The following DNAH11 variants were observed in gnomAD, a reference collection of about 807,000 sequenced individuals.
The protein encoded by DNAH11 is axonemal beta dynein heavy chain 11.
Under a neutral mutation model 526.0 loss-of-function variants are expected in DNAH11, and 442 were observed. That is an observed-to-expected ratio of 0.84 (90% CI 0.78 to 0.91). DNAH11 has a LOEUF of 0.91. Among genes scored for constraint, DNAH11 ranks in the 40% least tolerant of loss-of-function variants. The pLI, the probability that DNAH11 is intolerant of heterozygous loss-of-function variation, is 0.00. For missense variants in DNAH11, 6,989 were observed against 5,448.7 expected (o/e 1.28, Z -8.90); for synonymous variants, 2,461 against 1,935.9 (o/e 1.27, Z -7.12).
chr7:21,687,453 C>G lies in DNAH11; in HGVS notation c.5850C>G (p.Ile1950Met). ...AWGCFDEFNRISVEVLSVVAV... is the reference protein window; with the variant it reads ...AWGCFDEFNRMSVEVLSVVAV... ...GCTGCTTTGATGAGTTCAACCGAAT[C>G]TCTGTGGAAGTTCTGTCAGTGGTGG... The change falls in exon 34 of 82, where the codon ATC becomes ATG. Residue 1950 changes from isoleucine (I) to methionine (M), a missense_variant. Ile to Met is a conservative substitution (Grantham distance 10). Coordinates refer to ENST00000409508, the MANE Select transcript of DNAH11 (RefSeq NM_001277115.2). 6.2e-7 allele frequency: 1 copy of G among 1,613,936 alleles called. No individual in the cohort carries two copies. Among genetic ancestry groups the G allele is most frequent in the Non-Finnish European group, 8.5e-7 (1 of 1,179,930 alleles).
At position 21,664,968 on chromosome 7, in the gene DNAH11, C is replaced by G. The variant is rs74470171; in HGVS notation, c.5328+5937C>G. Among the ~76,000 whole-genome samples the G allele has an allele frequency of 1.9e-3, 286 of 152,198 alleles. 1 individual carries two copies. The highest frequency in any genetic ancestry group is 6.5e-3 in the African/African-American group (272 of 41,536). ...AAACCTCAGCTCCAGATGTTTGGCT[C>G]TCTGTCCAAATTCTTTGAGCTGCCA... On this transcript the variant is annotated intron_variant, in intron 30 of 81. Coordinates refer to ENST00000409508, the MANE Select transcript of DNAH11 (RefSeq NM_001277115.2).
intron 29 of DNAH11, 101 bp from the exon 30 acceptor site, chr7:21,658,697 C>G: frequency 1.1e-6 from 1 of 921,934 alleles, no homozygotes. Context: ...AATGAATCCA[C>G]CTGGGGCATT....
intron 44 of DNAH11, among the ~76,000 whole-genome samples, chr7:21,722,017 C>T (rs923690192): frequency 1.3e-5 from 2 of 152,126 alleles, no homozygotes; most frequent in East Asian, 1.9e-4. Flanking sequence ...TGTGGGAAAA[C>T]ACTTGAGACA....
rs183477371 is a variant in DNAH11, at chr7:21,562,969, C to G, written c.983-1217C>G. On this transcript the variant is annotated intron_variant, in intron 5 of 81. Transcript: ENST00000409508. ...TGACACAAGTCTTTTGGGTTAACAA[C>G]AAAAACTAGAATTTACTTGACTTTG... Among the ~76,000 whole-genome samples, 22 of 152,160 alleles carry G rather than the reference C, an allele frequency of 1.4e-4. No homozygotes were observed. The East Asian group carries it at 4.3e-3, about 29-fold the overall frequency.
intron 20 of DNAH11, among the ~76,000 whole-genome samples, chr7:21,609,740 G>T (rs1284570859): frequency 6.6e-6 from 1 of 152,118 alleles, no homozygotes; most frequent in Non-Finnish European, 1.5e-5. Context: ...TCTCTAAAGG[G>T]CAAGAAAAAA....
At chr7:21,813,001 G>C (rs1323174094) in intron 63 of DNAH11, among the ~76,000 whole-genome samples, 1 of 152,122 alleles carries the variant, frequency 6.6e-6, no homozygotes, top group Non-Finnish European at 1.5e-5. Context: ...GATACTGAAG[G>C]GTATGGGGGA....
chr7:21,700,280 A>T (rs1784002297), intron 36 of DNAH11, among the ~76,000 whole-genome samples: 1 of 152,196 alleles, frequency 6.6e-6, no homozygotes, highest in Admixed American at 6.5e-5. Context: ...GTCACAAATG[A>T]GCAAAAAGAA....
intron 79 of DNAH11, 98 bp from the exon 80 acceptor site, chr7:21,899,238 T>A (rs557937010): frequency 2.2e-6 from 2 of 915,740 alleles, no homozygotes; most frequent in Admixed American, 1.7e-5. Context: ...ATACTTCTCC[T>A]CCACCACCAC....
intron 30 of DNAH11, among the ~76,000 whole-genome samples, chr7:21,668,181 A>G (rs1481038171): frequency 6.6e-6 from 1 of 152,196 alleles, no homozygotes; most frequent in Non-Finnish European, 1.5e-5. Flanking sequence ...ACTGGGAGCC[A>G]GTCCTTATGG....
rs1489887828 is a variant in DNAH11, at chr7:21,545,153, C to G, written c.495+4C>G. The stretch of plus-strand genomic sequence containing the variant: ...TGTATCTGCTTTCCTTGATGAGGTA[C>G]TGGTCTGTCTTTAATATTTAAAGCT... On this transcript the variant is annotated splice_donor_region_variant and intron_variant, in intron 2 of 81. Coordinates refer to ENST00000409508, the MANE Select transcript of DNAH11 (RefSeq NM_001277115.2). The G allele has an allele frequency of 1.2e-6, 2 of 1,604,716 alleles. No individual in the cohort carries two copies. The highest frequency in any genetic ancestry group is 1.1e-5 in the South Asian group (1 of 89,016).
At position 21,765,770 on chromosome 7, in the gene DNAH11, A is replaced by G. The variant is rs2286269; in HGVS notation, c.9102+181A>G. On this transcript the variant is annotated intron_variant, in intron 55 of 81. Coordinates refer to ENST00000409508, the MANE Select transcript of DNAH11 (RefSeq NM_001277115.2). The stretch of plus-strand genomic sequence containing the variant: ...TCTGTTAGTTTACATTCTAAGGAAT[A>G]TGATGGCTGACCTTTTTTCCACCAT... Among the ~76,000 whole-genome samples, 4,730 of 152,296 alleles carry G rather than the reference A, an allele frequency of 0.031. 190 individuals carry two copies. The highest frequency in any genetic ancestry group is 0.21 in the East Asian group (1,094 of 5,168).
intron 56 of DNAH11, 132 bp downstream of exon 56, chr7:21,774,131 A>G (rs2127979436): frequency 1.2e-6 from 1 of 815,846 alleles, no homozygotes; most frequent in East Asian, 2.7e-5. Flanking sequence ...CATGACACCA[A>G]GAATACACTG....
At chr7:21,620,992 C>A (rs891603160) in intron 25 of DNAH11, among the ~76,000 whole-genome samples, 2 of 152,052 alleles carry the variant, frequency 1.3e-5, no homozygotes, top group Non-Finnish European at 2.9e-5. Flanking sequence ...GGTTCCAAGT[C>A]TTTGCTGTTG....
In DNAH11 at chr7:21,873,260, A is replaced by G. The variant is rs777059889; in HGVS notation, c.11968-14A>G. The G allele has an allele frequency of 3.2e-6, 5 of 1,559,474 alleles. No homozygotes were observed. Among genetic ancestry groups the G allele is most frequent in the Non-Finnish European group, 3.5e-6 (4 of 1,147,530 alleles). On this transcript the variant is annotated splice_polypyrimidine_tract_variant and intron_variant, in intron 73 of 81. Transcript: ENST00000409508. ...CTCACCTTCACAGGAATTATGCACC[A>G]TGCTATCTTTCAGAATGTTCATTTG...
rs1421400348 is a variant in DNAH11 at position 21,591,483 on chromosome 7, A to G, written c.2573A>G (p.Glu858Gly). The change falls in exon 14 of 82, where the codon GAG (glutamate) becomes GGG (glycine). Residue 858 changes from glutamate to glycine, a missense_variant. Glu to Gly is a moderately conservative substitution (Grantham distance 98). Transcript: ENST00000409508. ...VLPPRREHRR[E>G]AAFTLEDKGD... ...CCTCCCAGGAGAGAGCACAGACGAG[A>G]GGCAGCCTTCACCTTGGAGGACAAG... is the stretch of plus-strand genomic sequence containing the variant. 6.2e-7 allele frequency: 1 copy of G among 1,613,414 alleles called. No homozygotes were observed. The highest frequency in any genetic ancestry group is 1.3e-5 in the African/African-American group (1 of 75,052).
At chr7:21,613,306 ATTAT>A (rs1785613640) in intron 20 of DNAH11, among the ~76,000 whole-genome samples, 1 of 152,078 alleles carries the variant, frequency 6.6e-6, no homozygotes, top group African/African-American at 2.4e-5. Context: ...TAAAAATTAG[ATTAT>A]TAAATAAAAA....
Position 21,880,905 on chromosome 7 carries a change from T to G in DNAH11, c.12387+12T>G. Reference sequence around the variant, plus strand: ...AGGCAAACTCTAAAGTAAGTGCTAGTGGTCAAATAACCTCTTCCAAGGAGT... The same window carrying G: ...AGGCAAACTCTAAAGTAAGTGCTAGGGGTCAAATAACCTCTTCCAAGGAGT... On this transcript the variant is annotated intron_variant, in intron 75 of 81. Coordinates refer to ENST00000409508, the MANE Select transcript of DNAH11 (RefSeq NM_001277115.2). 1 of 1,586,822 alleles carries G rather than the reference T, an allele frequency of 6.3e-7. No individual in the cohort carries two copies. Among genetic ancestry groups the G allele is most frequent in the Non-Finnish European group, 8.5e-7 (1 of 1,171,736 alleles).
chr7:21,891,329 A>T lies in DNAH11; in HGVS notation c.12508-1096A>T, dbSNP rs536505773. ...AGGTAGAAAATAGCTACATTCGATG[A>T]TAGTTTAAAAATAACATTCCTCTGT... On this transcript the variant is annotated intron_variant, in intron 76 of 81. Coordinates refer to ENST00000409508, the MANE Select transcript of DNAH11 (RefSeq NM_001277115.2). 3.9e-5 allele frequency among the ~76,000 whole-genome samples: 6 copies of T among 152,340 alleles called. No homozygotes were observed. The South Asian group carries it at 8.3e-4, about 21-fold the overall frequency.
At chr7:21,641,215 T>C (rs1256347230) in intron 28 of DNAH11, among the ~76,000 whole-genome samples, 1 of 152,098 alleles carries the variant, frequency 6.6e-6, no homozygotes, top group Non-Finnish European at 1.5e-5. Flanking sequence ...TTTTTATGAG[T>C]GATTCTCCTA....
Sources: gnomAD v4.1 joint callset for allele counts (sites outside exome capture counted in the v4.1 genomes callset) on GRCh38, gnomAD v4.1.1 for gene constraint, MANE v1.5 for transcripts, NCBI Gene and HGNC (gene_info 2026-07-23, HGNC 2026-07-21) for gene names.